The following ATG10 variants were observed in gnomAD, a reference collection of about 807,000 sequenced individuals.
The protein encoded by ATG10 is ubiquitin-like-conjugating enzyme ATG10.
A neutral mutation model predicts 32.1 loss-of-function variants in ATG10; 30 were observed. The observed-to-expected ratio is 0.94, with a 90% CI of 0.70 to 1.27. ATG10 has a LOEUF of 1.27. ATG10 is among the 50% of genes most tolerant of loss of function. The pLI, the probability that ATG10 is intolerant of heterozygous loss-of-function variation, is 0.00. For missense variants in ATG10, 233 were observed against 262.3 expected (o/e 0.89, Z 0.77); for synonymous variants, 87 against 91.5 (o/e 0.95, Z 0.28).
At chr5:82,195,559 T>C (rs891158) in intron 5 of ATG10, among the ~76,000 whole-genome samples, 3,518 of 152,304 alleles carry the variant, frequency 0.023, 142 homozygotes, top group African/African-American at 0.081. Context: ...CTCTCAGTTG[T>C]TGGCAACCAC....
intron 1 of ATG10, chr5:81,972,616 A>G (rs1313911188): frequency 3.9e-5 from 6 of 152,252 alleles, no homozygotes; most frequent in Admixed American, 3.9e-4. Context: ...CTTTGTGTTT[A>G]AAATCCACAT....
chr5:82,168,469 T>C (rs1743669574), intron 4 of ATG10, among the ~76,000 whole-genome samples: 1 of 152,236 alleles, frequency 6.6e-6, no homozygotes, highest in Non-Finnish European at 1.5e-5. Context: ...TATGGGTTCT[T>C]CTTGGGAGCT....
chr5:82,129,637 A>G (rs766016209), intron 3 of ATG10, among the ~76,000 whole-genome samples: 3 of 152,108 alleles, frequency 2.0e-5, no homozygotes, highest in Non-Finnish European at 4.4e-5. Flanking sequence ...CTGGAGGTCC[A>G]CTCAAACCCT....
chr5:82,204,151 T>G (rs953702806), intron 5 of ATG10, among the ~76,000 whole-genome samples: 51 of 152,242 alleles, frequency 3.3e-4, no homozygotes, highest in Non-Finnish European at 4.8e-4. Context: ...TATTTTTGCA[T>G]GTGGGAAGTA....
At chr5:82,250,119 A>G (rs1380572642) in intron 5 of ATG10, among the ~76,000 whole-genome samples, 1 of 152,156 alleles carries the variant, frequency 6.6e-6, no homozygotes, top group Admixed American at 6.5e-5. Flanking sequence ...AATTTAGACT[A>G]CATTTATCTT....
chr5:82,138,670 C>T (rs904556137), intron 3 of ATG10, among the ~76,000 whole-genome samples: 1 of 152,216 alleles, frequency 6.6e-6, no homozygotes, highest in East Asian at 1.9e-4. Flanking sequence ...TCCATTTGAC[C>T]ATCTTGCCCG....
At chr5:82,002,352 A>G (rs572776871) in intron 2 of ATG10, among the ~76,000 whole-genome samples, 2 of 152,218 alleles carry the variant, frequency 1.3e-5, no homozygotes, top group Non-Finnish European at 2.9e-5. Context: ...GCATATGTTC[A>G]TGGCAGCACT....
At chr5:82,201,260 A>T (rs1581796694) in intron 5 of ATG10, among the ~76,000 whole-genome samples, 1 of 152,278 alleles carries the variant, frequency 6.6e-6, no homozygotes, top group African/African-American at 2.4e-5. Context: ...AAGGTCACAA[A>T]CATTTTTTCC....
intron 3 of ATG10, among the ~76,000 whole-genome samples, chr5:82,155,560 G>A (rs559538546): frequency 6.6e-6 from 1 of 152,238 alleles, no homozygotes; most frequent in East Asian, 1.9e-4. Context: ...CCACACAGAA[G>A]CCTAAAATAT....
intron 3 of ATG10, among the ~76,000 whole-genome samples, chr5:82,100,736 A>G (rs1765242388): frequency 6.6e-6 from 1 of 151,518 alleles, no homozygotes; most frequent in African/African-American, 2.4e-5. Flanking sequence ...GTCTGGTGTA[A>G]CAGCACTTCC....
At chr5:82,028,965 A>C (rs1020495109) in intron 2 of ATG10, among the ~76,000 whole-genome samples, 1 of 152,240 alleles carries the variant, frequency 6.6e-6, no homozygotes, top group Non-Finnish European at 1.5e-5. Flanking sequence ...GTCACTGAAT[A>C]GAAAAGAATA....
chr5:81,989,340 A>C (rs1361673049), intron 2 of ATG10, among the ~76,000 whole-genome samples: 4 of 152,190 alleles, frequency 2.6e-5, no homozygotes, highest in African/African-American at 9.7e-5. Flanking sequence ...GGTTTTGATC[A>C]GGTCCAGAGT....
intron 3 of ATG10, among the ~76,000 whole-genome samples, chr5:82,107,287 G>C (rs767746902): frequency 1.3e-5 from 2 of 152,022 alleles, no homozygotes; most frequent in Non-Finnish European, 2.9e-5. Flanking sequence ...AAAATTTTAA[G>C]ATCAGTTTTG....
At chr5:81,988,366 TG>T (rs1271938165) in intron 2 of ATG10, among the ~76,000 whole-genome samples, 1 of 152,162 alleles carries the variant, frequency 6.6e-6, no homozygotes, top group Non-Finnish European at 1.5e-5. Context: ...CTCGAACTCC[TG>T]GCCTCAAGTG....
intron 2 of ATG10, among the ~76,000 whole-genome samples, chr5:82,031,257 T>C (rs924878477): frequency 1.3e-5 from 2 of 152,162 alleles, no homozygotes; most frequent in Non-Finnish European, 2.9e-5. Flanking sequence ...CTATTTTAGA[T>C]ATTCGAAGGA....
At chr5:82,027,690 T>C (rs898345843) in intron 2 of ATG10, among the ~76,000 whole-genome samples, 1 of 152,226 alleles carries the variant, frequency 6.6e-6, no homozygotes, top group Non-Finnish European at 1.5e-5. Flanking sequence ...TTCAATCTTA[T>C]TGAATAACTT....
At chr5:82,175,029 G>A (rs77624715) in intron 4 of ATG10, among the ~76,000 whole-genome samples, 1,983 of 152,222 alleles carry the variant, frequency 0.013, 34 homozygotes, top group African/African-American at 0.045. Flanking sequence ...GACTGTCTAA[G>A]CCATCTCAAC....
chr5:82,036,164 C>T (rs767045727), intron 2 of ATG10, among the ~76,000 whole-genome samples: 24 of 152,028 alleles, frequency 1.6e-4, no homozygotes, highest in Non-Finnish European at 3.1e-4. Context: ...ATTACTGACC[C>T]ATCTGTTTGT....
intron 3 of ATG10, among the ~76,000 whole-genome samples, chr5:82,129,348 T>G (rs1766417399): frequency 6.6e-6 from 1 of 152,026 alleles, no homozygotes; most frequent in Non-Finnish European, 1.5e-5. Flanking sequence ...TTCTGTCAAT[T>G]CATCAAACTC....
Sources: gnomAD v4.1 joint callset for allele counts (sites outside exome capture counted in the v4.1 genomes callset) on GRCh38, gnomAD v4.1.1 for gene constraint, MANE v1.5 for transcripts, NCBI Gene and HGNC (gene_info 2026-07-23, HGNC 2026-07-21) for gene names.